The following FMN1 variants were observed in gnomAD, a reference collection of about 807,000 sequenced individuals.
The protein encoded by FMN1 is formin 1.
Under a neutral mutation model 132.4 loss-of-function variants are expected in FMN1, and 110 were observed. The ratio of observed to expected loss-of-function variants is 0.83; its 90% CI spans 0.71 to 0.97. The LOEUF is 0.97. FMN1 is among the 50% of genes least tolerant of loss of function. The pLI is 0.00. For missense variants in FMN1, 1,792 were observed against 1,705.3 expected, an observed-to-expected ratio of 1.05 and a Z score of -0.90; for synonymous variants, 722 against 651.7, an observed-to-expected ratio of 1.11 and a Z score of -1.64.
intron 4 of FMN1, among the ~76,000 whole-genome samples, chr15:33,093,056 C>T (rs1292936842): frequency 6.6e-6 from 1 of 152,210 alleles, no homozygotes; most frequent in African/African-American, 2.4e-5. Context: ...TGTGAACATA[C>T]TATATAACCA....
chr15:32,805,911 C>T (rs1374434388), intron 17 of FMN1, among the ~76,000 whole-genome samples: 3 of 152,244 alleles, frequency 2.0e-5, no homozygotes, highest in African/African-American at 4.8e-5. Context: ...TACTAAGATA[C>T]AATTCTGAAT....
intron 17 of FMN1, among the ~76,000 whole-genome samples, chr15:32,822,259 G>T (rs1381866831): frequency 6.6e-6 from 1 of 152,186 alleles, no homozygotes. Context: ...TGAGGCAGGA[G>T]AATCACGTGA....
At chr15:32,914,850 C>T (rs1296816203) in intron 10 of FMN1, among the ~76,000 whole-genome samples, 1 of 152,114 alleles carries the variant, frequency 6.6e-6, no homozygotes. Context: ...GCAGAGGAGT[C>T]TAAGAGGTGA....
chr15:32,776,940 A>T, intron 19 of FMN1, 21 bp from the exon 20 acceptor site: 1 of 1,421,244 alleles, frequency 7.0e-7, no homozygotes. Flanking sequence ...AATAGGGAAA[A>T]GACAGGGGAG....
At chr15:32,902,381 G>A (rs2060319444) in intron 12 of FMN1, among the ~76,000 whole-genome samples, 1 of 152,064 alleles carries the variant, frequency 6.6e-6, no homozygotes, top group Admixed American at 6.5e-5. Flanking sequence ...TAACACACGA[G>A]AAAAATTATG....
intron 17 of FMN1, among the ~76,000 whole-genome samples, chr15:32,834,082 C>T (rs72717673): frequency 0.16 from 24,042 of 152,178 alleles, 2,289 homozygotes; most frequent in East Asian, 0.31. Flanking sequence ...TTCACCAACT[C>T]AGGTTAGTTG....
chr15:33,126,657 G>A (rs1257582001), intron 4 of FMN1, among the ~76,000 whole-genome samples: 2 of 152,208 alleles, frequency 1.3e-5, no homozygotes. Flanking sequence ...AATCCTGGCA[G>A]CATGCCCAGA....
chr15:33,166,167 C>A (rs1965098691), intron 3 of FMN1, among the ~76,000 whole-genome samples: 1 of 152,106 alleles, frequency 6.6e-6, no homozygotes, highest in South Asian at 2.1e-4. Context: ...TCACTGTATA[C>A]CCAAGGAGGC....
At chr15:32,799,024 G>A in intron 18 of FMN1, 71 bp from the exon 19 acceptor site, 2 of 1,249,532 alleles carry the variant, frequency 1.6e-6, no homozygotes, top group Non-Finnish European at 2.2e-6. Flanking sequence ...TCCATTAGAG[G>A]GGGGATGCTG....
chr15:32,873,916 G>C (rs1001149428), intron 16 of FMN1, among the ~76,000 whole-genome samples: 1 of 151,498 alleles, frequency 6.6e-6, no homozygotes, highest in Non-Finnish European at 1.5e-5. Flanking sequence ...CAGCAAAACC[G>C]CTCCATCATT....
At chr15:33,126,202 AGCAC>A (rs1300587436) in intron 4 of FMN1, among the ~76,000 whole-genome samples, 1 of 150,882 alleles carries the variant, frequency 6.6e-6, no homozygotes, top group African/African-American at 2.5e-5. Context: ...TGTGTTATTA[AGCAC>A]CACCTAAAGA....
intron 17 of FMN1, among the ~76,000 whole-genome samples, chr15:32,854,321 T>C (rs2059075740): frequency 6.6e-6 from 1 of 152,218 alleles, no homozygotes; most frequent in Non-Finnish European, 1.5e-5. Flanking sequence ...AACAGCACAA[T>C]TCTAGACTGT....
At chr15:33,097,854 G>T (rs550909084) in intron 4 of FMN1, among the ~76,000 whole-genome samples, 30 of 152,214 alleles carry the variant, frequency 2.0e-4, no homozygotes, top group African/African-American at 6.0e-4. Flanking sequence ...ACAACAGCTT[G>T]ACAGAAAATC....
chr15:32,847,459 G>A (rs751932475), intron 17 of FMN1, among the ~76,000 whole-genome samples: 23 of 152,102 alleles, frequency 1.5e-4, no homozygotes, highest in Non-Finnish European at 3.2e-4. Context: ...AAGGCTGGGC[G>A]TGGTGGCTCG....
At chr15:32,979,004 T>C (rs536785542) in intron 7 of FMN1, among the ~76,000 whole-genome samples, 1 of 152,304 alleles carries the variant, frequency 6.6e-6, no homozygotes, top group South Asian at 2.1e-4. Context: ...ATGAAACTTA[T>C]ACATAAGACT....
chr15:32,897,952 T>C (rs764776403), intron 15 of FMN1, among the ~76,000 whole-genome samples: 1 of 152,306 alleles, frequency 6.6e-6, no homozygotes, highest in East Asian at 1.9e-4. Context: ...AACTACGATA[T>C]TCTTAACAGA....
chr15:33,157,718 G>A (rs190410879), intron 3 of FMN1, among the ~76,000 whole-genome samples: 28 of 152,032 alleles, frequency 1.8e-4, no homozygotes, highest in South Asian at 4.2e-4. Context: ...GAGGCCAGGC[G>A]CAGCAGCTCA....
intron 17 of FMN1, among the ~76,000 whole-genome samples, chr15:32,813,430 C>T (rs977708045): frequency 3.3e-5 from 5 of 151,324 alleles, no homozygotes; most frequent in African/African-American, 1.2e-4. Flanking sequence ...CTTTTTTTTT[C>T]CCAATATATT....
chr15:33,117,215 G>A (rs570415416), intron 4 of FMN1, among the ~76,000 whole-genome samples: 24 of 152,278 alleles, frequency 1.6e-4, no homozygotes, highest in African/African-American at 5.8e-4. Flanking sequence ...GAGAGAGAGA[G>A]AAAACAAATC....
Sources: gnomAD v4.1 joint callset for allele counts (sites outside exome capture counted in the v4.1 genomes callset) on GRCh38, gnomAD v4.1.1 for gene constraint, MANE v1.5 for transcripts, NCBI Gene and HGNC (gene_info 2026-07-23, HGNC 2026-07-21) for gene names.